ZC3H12B: variants seen among roughly 807,000 people sequenced by gnomAD.
ZC3H12B encodes the protein zinc finger CCCH-type containing 12B.
ZC3H12B carries 7 observed loss-of-function variants against 43.9 expected under a neutral mutation model. The ratio of observed to expected loss-of-function variants is 0.16; its 90% CI spans 0.09 to 0.30. The LOEUF (loss-of-function observed/expected upper bound fraction) is 0.30. ZC3H12B is among the 10% of genes least tolerant of loss of function. ZC3H12B has a pLI of 1.00. For missense variants in ZC3H12B, 475 were observed against 670.2 expected, an observed-to-expected ratio of 0.71 and a Z score of 3.22; for synonymous variants, 222 against 241.7, an observed-to-expected ratio of 0.92 and a Z score of 0.76.
intron 3 of ZC3H12B, among the ~76,000 whole-genome samples, chrX:65,461,094 C>T (rs1241676675): frequency 8.9e-6 from 1 of 112,242 alleles, no homozygotes; most frequent in Non-Finnish European, 1.9e-5. Context: ...AGCCAAAAGA[C>T]ACATGAAAAA....
the ZC3H12B span, among the ~76,000 whole-genome samples, chrX:65,152,334 C>G: frequency 9.0e-6 from 1 of 111,531 alleles, no homozygotes; most frequent in African/African-American, 3.3e-5. Flanking sequence ...TAGAAAACCC[C>G]AATGTCTCAG....
At chrX:65,362,338 T>C (rs2066114509), upstream of ZC3H12B, among the ~76,000 whole-genome samples, 1 of 111,720 alleles carries the variant, frequency 9.0e-6, no homozygotes, top group African/African-American at 3.3e-5. Flanking sequence ...CCTCCCTAAC[T>C]GTTGTGGGTA....
At chrX:65,035,725 CT>C in the ZC3H12B span, among the ~76,000 whole-genome samples, 2 of 111,327 alleles carry the variant, frequency 1.8e-5, no homozygotes, top group Non-Finnish European at 3.8e-5. Flanking sequence ...GGAGTGGCCC[CT>C]TACTTTTCAG....
intron 3 of ZC3H12B, among the ~76,000 whole-genome samples, chrX:65,437,598 A>AT (rs1350707707): frequency 9.0e-6 from 1 of 111,393 alleles, no homozygotes; most frequent in Non-Finnish European, 1.9e-5. Flanking sequence ...ATATTTTTAG[A>AT]TTTTTTTCTA....
chrX:65,374,022 G>C (rs1449907012), intron 2 of ZC3H12B, among the ~76,000 whole-genome samples: 1 of 36,901 alleles, frequency 2.7e-5, no homozygotes, highest in East Asian at 7.9e-4. Context: ...TATATATACA[G>C]TATATATATA....
chrX:65,332,542 T>G, the ZC3H12B span, among the ~76,000 whole-genome samples: 2 of 111,229 alleles, frequency 1.8e-5, no homozygotes, highest in Non-Finnish European at 3.8e-5. Flanking sequence ...CAAGCTGATA[T>G]GGGGTTGCTA....
intron 3 of ZC3H12B, among the ~76,000 whole-genome samples, chrX:65,404,100 TA>T (rs1166835454): frequency 2.0e-4 from 22 of 112,153 alleles, no homozygotes; most frequent in African/African-American, 7.1e-4. Flanking sequence ...AAAATAAAGT[TA>T]TGGCATAGAA....
the ZC3H12B span, among the ~76,000 whole-genome samples, chrX:65,118,691 T>G: frequency 1.4e-3 from 152 of 110,325 alleles, no homozygotes; most frequent in African/African-American, 4.0e-3. Flanking sequence ...ATGGTACATG[T>G]GCACAACCTG....
chrX:65,317,942 T>C, the ZC3H12B span, among the ~76,000 whole-genome samples: 10 of 106,526 alleles, frequency 9.4e-5, no homozygotes, highest in African/African-American at 3.4e-4. Context: ...TTTGGGCTGG[T>C]TCCACATTTT....
the ZC3H12B span, among the ~76,000 whole-genome samples, chrX:65,297,831 G>C: frequency 9.0e-6 from 1 of 111,652 alleles, no homozygotes; most frequent in Non-Finnish European, 1.9e-5. Flanking sequence ...AGAGAACCTA[G>C]AAATAAACCC....
At chrX:65,176,822 G>A in the ZC3H12B span, among the ~76,000 whole-genome samples, 4 of 111,363 alleles carry the variant, frequency 3.6e-5, no homozygotes, top group East Asian at 2.8e-4. Flanking sequence ...AGGATGAGAC[G>A]GATTCACAGT....
At chrX:65,302,926 A>G in the ZC3H12B span, among the ~76,000 whole-genome samples, 1 of 112,110 alleles carries the variant, frequency 8.9e-6, no homozygotes, top group Admixed American at 9.5e-5. Context: ...TTTTAAATAA[A>G]TGGTACTTGA....
At chrX:65,364,957 G>T (rs749606995), upstream of ZC3H12B, among the ~76,000 whole-genome samples, 69 of 111,405 alleles carry the variant, frequency 6.2e-4, no homozygotes, top group Admixed American at 4.0e-3. Context: ...CATGGGTAGA[G>T]GCCTTTCCCA....
chrX:65,159,760 C>G, the ZC3H12B span, among the ~76,000 whole-genome samples: 12 of 112,020 alleles, frequency 1.1e-4, no homozygotes, highest in African/African-American at 3.9e-4. Context: ...TTATTTCCTT[C>G]TCTTGCCTGA....
At chrX:65,088,028 T>C in the ZC3H12B span, among the ~76,000 whole-genome samples, 1 of 111,930 alleles carries the variant, frequency 8.9e-6, no homozygotes, top group African/African-American at 3.3e-5. Context: ...GTATTGGCTA[T>C]TATGGGTAAT....
the ZC3H12B span, among the ~76,000 whole-genome samples, chrX:65,298,047 C>G: frequency 8.9e-6 from 1 of 111,915 alleles, no homozygotes; most frequent in African/African-American, 3.2e-5. Context: ...CATAAAAATT[C>G]TAGAAGATAA....
chrX:65,102,044 G>A, the ZC3H12B span, among the ~76,000 whole-genome samples: 10 of 111,978 alleles, frequency 8.9e-5, no homozygotes, highest in Non-Finnish European at 1.9e-4. Context: ...CTACGGTCAA[G>A]TTGGCTTCAT....
the ZC3H12B span, among the ~76,000 whole-genome samples, chrX:65,126,203 T>A: frequency 9.0e-6 from 1 of 110,847 alleles, no homozygotes; most frequent in Non-Finnish European, 1.9e-5. Flanking sequence ...TCTCTCAGCA[T>A]TTGTGTATCT....
chrX:65,406,621 ACTGG>A (rs2066829324), intron 3 of ZC3H12B, among the ~76,000 whole-genome samples: 1 of 22,493 alleles, frequency 4.4e-5, no homozygotes, highest in African/African-American at 5.3e-4. Context: ...GCTGGGCGGG[ACTGG>A]GCGGGGCCGG....
Sources: allele counts gnomAD v4.1 joint callset (sites outside exome capture counted in the v4.1 genomes callset), GRCh38; gene constraint gnomAD v4.1.1; transcripts MANE v1.5; gene names NCBI Gene and HGNC (gene_info 2026-07-23, HGNC 2026-07-21).